Variants in CDK6 observed in about 807,000 individuals in gnomAD.
CDK6 encodes the protein cyclin dependent kinase 6, also known as cyclin-dependent kinase 6.
CDK6 carries 6 observed loss-of-function variants against 37.1 expected under a neutral mutation model. The observed-to-expected ratio is 0.16, with a 90% CI of 0.09 to 0.32. The LOEUF is 0.32. CDK6 is among the 10% of genes least tolerant of loss of function. CDK6 has a pLI of 1.00. For missense variants in CDK6, 224 were observed against 418.9 expected (o/e 0.53, Z 4.06); for synonymous variants, 160 against 161.3 (o/e 0.99, Z 0.06).
intron 5 of CDK6, among the ~76,000 whole-genome samples, chr7:92,640,306 A>G (rs1372711901): frequency 6.6e-6 from 1 of 152,228 alleles, no homozygotes. Flanking sequence ...AGTGATGTTC[A>G]ATGCTAGCCT....
chr7:92,766,269 CT>C (rs1562959329), intron 3 of CDK6, among the ~76,000 whole-genome samples: 1 of 152,134 alleles, frequency 6.6e-6, no homozygotes, highest in Non-Finnish European at 1.5e-5. Context: ...TAAACTAGAA[CT>C]ATAGCAATGA....
chr7:92,746,172 A>G (rs1799052893), intron 3 of CDK6, among the ~76,000 whole-genome samples: 1 of 152,118 alleles, frequency 6.6e-6, no homozygotes, highest in South Asian at 2.1e-4. Context: ...CTACTAATGA[A>G]CTTAGATTAT....
At chr7:92,633,870 T>C (rs1796110886) in intron 5 of CDK6, among the ~76,000 whole-genome samples, 1 of 152,184 alleles carries the variant, frequency 6.6e-6, no homozygotes, top group African/African-American at 2.4e-5. Context: ...CACAGTGTGA[T>C]AGGAATGTAG....
chr7:92,706,924 T>G (rs1585415612), intron 4 of CDK6, among the ~76,000 whole-genome samples: 3 of 152,186 alleles, frequency 2.0e-5, no homozygotes, highest in African/African-American at 7.2e-5. Flanking sequence ...TCAACATTGT[T>G]TAAATAACTG....
At chr7:92,738,521 C>T (rs1207205271) in intron 3 of CDK6, among the ~76,000 whole-genome samples, 1 of 151,944 alleles carries the variant, frequency 6.6e-6, no homozygotes, top group East Asian at 1.9e-4. Context: ...TGCCTGTAAT[C>T]CCAGCTACTA....
In CDK6 at chr7:92,618,214, A is replaced by G. The variant is rs1359885871; in HGVS notation, c.699-7T>C. 1 of 1,613,864 alleles carries G rather than the reference A, an allele frequency of 6.2e-7. No homozygotes were observed. Among genetic ancestry groups the G allele is most frequent in the South Asian group, 1.1e-5 (1 of 91,062 alleles). On this transcript the variant is annotated splice_polypyrimidine_tract_variant and splice_region_variant and intron_variant, in intron 6 of 7. Coordinates refer to ENST00000424848, the MANE Select transcript of CDK6 (RefSeq NM_001145306.2). ...TCCTGGGAGTCCAATCACGCTACAA[A>G]AGAACCACACATGGACATAAGCATT...
rs1168645651 is a variant in CDK6 at position 92,609,308 on chromosome 7, T to G, written c.*5832A>C. On this transcript the variant is annotated 3_prime_UTR_variant, in exon 8 of 8. Transcript: ENST00000424848. ...TGACCTCTAAAATTAACTTAATCAT[T>G]TGGGGTATAAGAAGTCTTTAAGTAG... is the stretch of plus-strand genomic sequence containing the variant. 1 of 232,348 alleles carries G rather than the reference T, an allele frequency of 4.3e-6. No homozygotes were observed. Among genetic ancestry groups the G allele is most frequent in the East Asian group, 6.1e-5 (1 of 16,478 alleles). The allele number at this position is 232,348 out of a possible 1,614,324, so 14.4% of individuals were successfully genotyped here.
At chr7:92,808,550 G>T (rs1342522720) in intron 2 of CDK6, among the ~76,000 whole-genome samples, 1 of 152,158 alleles carries the variant, frequency 6.6e-6, no homozygotes, top group African/African-American at 2.4e-5. Flanking sequence ...AGTAAAAACT[G>T]TGTTTGTATA....
At chr7:92,782,630 T>C (rs1376942552) in intron 2 of CDK6, among the ~76,000 whole-genome samples, 1 of 152,142 alleles carries the variant, frequency 6.6e-6, no homozygotes, top group Non-Finnish European at 1.5e-5. Flanking sequence ...GAACCTACTA[T>C]GGGATGCAGA....
intron 3 of CDK6, among the ~76,000 whole-genome samples, chr7:92,771,482 T>C (rs1223806824): frequency 6.6e-6 from 1 of 152,174 alleles, no homozygotes; most frequent in African/African-American, 2.4e-5. Flanking sequence ...TTTTAAAAAA[T>C]AGTTTGGCAC....
intron 5 of CDK6, among the ~76,000 whole-genome samples, chr7:92,646,076 A>G (rs1796442209): frequency 6.6e-6 from 1 of 152,174 alleles, no homozygotes; most frequent in Non-Finnish European, 1.5e-5. Context: ...TTGCCTAATG[A>G]AGTTCTTGTT....
intron 2 of CDK6, among the ~76,000 whole-genome samples, chr7:92,824,119 A>G (rs1801250309): frequency 6.6e-6 from 1 of 151,880 alleles, no homozygotes; most frequent in Non-Finnish European, 1.5e-5. Context: ...TTATGAGATT[A>G]CTTTGCAATA....
Position 92,648,630 on chromosome 7 carries a change from G to T in CDK6, c.647+22796C>A, listed in dbSNP as rs555783776. ...GAAACTACAAATTATTTTATAAAAGGCCTCACTAAAGTGATGGATGACAAA... is the reference window on the plus strand; with the variant it reads ...GAAACTACAAATTATTTTATAAAAGTCCTCACTAAAGTGATGGATGACAAA... On this transcript the variant is annotated intron_variant, in intron 5 of 7. Coordinates refer to ENST00000424848, the MANE Select transcript of CDK6 (RefSeq NM_001145306.2). Among the ~76,000 whole-genome samples, 11 of 152,268 alleles carry T rather than the reference G, an allele frequency of 7.2e-5. No homozygotes were observed. The East Asian group carries it at 2.1e-3, about 29-fold the overall frequency.
intron 4 of CDK6, among the ~76,000 whole-genome samples, chr7:92,711,551 A>ATTTTTTTT (rs1562943375): frequency 7.7e-6 from 1 of 130,532 alleles, no homozygotes; most frequent in African/African-American, 3.3e-5. Flanking sequence ...GGAATGGTCA[A>ATTTTTTTT]ATTTTTTTTT....
Position 92,737,942 on chromosome 7 carries a change from A to G in CDK6, c.370-12149T>C, listed in dbSNP as rs576304804. 2.0e-5 allele frequency among the ~76,000 whole-genome samples: 3 copies of G among 152,346 alleles called. No individual in the cohort carries two copies. The South Asian group carries it at 6.2e-4, about 32-fold the overall frequency. ...GAGAAACTGAAAACAACACACTGAA[A>G]GTCCTTGTGCCTCCTTCCCATAAAC... On this transcript the variant is annotated intron_variant, in intron 3 of 7. Transcript: ENST00000424848.
intron 5 of CDK6, among the ~76,000 whole-genome samples, chr7:92,668,269 C>A (rs1454981712): frequency 6.6e-6 from 1 of 152,116 alleles, no homozygotes; most frequent in Admixed American, 6.5e-5. Flanking sequence ...GTAGGCTACA[C>A]CATCTAGATT....
Position 92,834,032 on chromosome 7 carries a change from C to T in CDK6, c.-367-342G>A, listed in dbSNP as rs544719050. On this transcript the variant is annotated intron_variant, in intron 1 of 7. Coordinates refer to ENST00000424848, the MANE Select transcript of CDK6 (RefSeq NM_001145306.2). This position sits in a 1 kb window ranked among gnomAD's most constrained non-coding sequence, Gnocchi z 4.6. ...GGGGGAGGGGAGGCGCCGGGCACGTCAATGTCACGGCTTAATATTTATCCC... is the reference window on the plus strand; with the variant it reads ...GGGGGAGGGGAGGCGCCGGGCACGTTAATGTCACGGCTTAATATTTATCCC... 4.0e-4 allele frequency: 159 copies of T among 397,134 alleles called. No individual in the cohort carries two copies. Among genetic ancestry groups the T allele is most frequent in the Non-Finnish European group, 6.3e-4 (142 of 225,534 alleles). The allele number at this position is 397,134 out of a possible 1,614,324, so 24.6% of individuals were successfully genotyped here.
chr7:92,626,288 CATATG>C (rs1795926718), intron 5 of CDK6, among the ~76,000 whole-genome samples: 1 of 151,876 alleles, frequency 6.6e-6, no homozygotes, highest in South Asian at 2.1e-4. Flanking sequence ...TAATGTAAGT[CATATG>C]ATATACATAT....
intron 2 of CDK6, among the ~76,000 whole-genome samples, chr7:92,776,091 C>T (rs3731299): frequency 0.17 from 23,797 of 143,670 alleles, 2,518 homozygotes; most frequent in South Asian, 0.31. Flanking sequence ...CCCTGGTGTG[C>T]GATGTTCCCC....
Sources: allele counts gnomAD v4.1 joint callset (sites outside exome capture counted in the v4.1 genomes callset), GRCh38; gene constraint gnomAD v4.1.1; non-coding constraint Gnocchi (gnomAD v3.1); transcripts MANE v1.5; gene names NCBI Gene and HGNC (gene_info 2026-07-23, HGNC 2026-07-21).